The following CRAMP1 variants were observed in gnomAD, a reference collection of about 807,000 sequenced individuals.
The protein encoded by CRAMP1 is cramped chromatin regulator 1.
CRAMP1 carries 50 observed loss-of-function variants against 115.4 expected under a neutral mutation model. The observed-to-expected ratio is 0.43, with a 90% CI of 0.35 to 0.55. The LOEUF (loss-of-function observed/expected upper bound fraction) is 0.55. Ranked by LOEUF, CRAMP1 falls within the 20% of genes least tolerant of loss-of-function variation. CRAMP1 has a pLI of 0.01. For missense variants in CRAMP1, 1,679 were observed against 1,721.7 expected (o/e 0.98, Z 0.44); for synonymous variants, 866 against 745.4 (o/e 1.16, Z -2.64).
intron 2 of CRAMP1, among the ~76,000 whole-genome samples, chr16:1,623,749 G>A (rs1251486723): frequency 6.6e-6 from 1 of 152,226 alleles, no homozygotes; most frequent in African/African-American, 2.4e-5. Flanking sequence ...GTATTGAAAA[G>A]TTAAGTTTCA....
chr16:1,649,740 C>T (rs370740588), intron 6 of CRAMP1, among the ~76,000 whole-genome samples: 16 of 150,622 alleles, frequency 1.1e-4, no homozygotes, highest in Middle Eastern at 3.5e-3. Context: ...CTGCCTGCCT[C>T]GGCCTCCCAA....
chr16:1,618,594 C>T (rs1413001567), intron 2 of CRAMP1, among the ~76,000 whole-genome samples: 2 of 152,184 alleles, frequency 1.3e-5, no homozygotes, highest in Non-Finnish European at 2.9e-5. Context: ...GCACCATCTC[C>T]AGAATAGGGT....
chr16:1,623,069 G>T (rs2036479191), intron 2 of CRAMP1, among the ~76,000 whole-genome samples: 1 of 152,100 alleles, frequency 6.6e-6, no homozygotes, highest in Admixed American at 6.5e-5. Flanking sequence ...GTTAATTTTT[G>T]TATTTTTAGT....
At chr16:1,619,540 C>G (rs2036449083) in intron 2 of CRAMP1, among the ~76,000 whole-genome samples, 1 of 152,168 alleles carries the variant, frequency 6.6e-6, no homozygotes, top group African/African-American at 2.4e-5. Flanking sequence ...GAGACATTTC[C>G]AGGAGTTTGT....
intron 6 of CRAMP1, among the ~76,000 whole-genome samples, chr16:1,647,817 C>G (rs538517943): frequency 3.7e-4 from 55 of 149,224 alleles, no homozygotes; most frequent in African/African-American, 1.2e-3. Flanking sequence ...TTTGAGGGCT[C>G]ACTTAGAGGT....
Position 1,666,474 on chromosome 16 carries a change from C to G in CRAMP1, c.2910C>G (p.Leu970=). The G allele has an allele frequency of 6.2e-7, 1 of 1,613,902 alleles. No homozygotes were observed. Among genetic ancestry groups the G allele is most frequent in the Non-Finnish European group, 8.5e-7 (1 of 1,179,846 alleles). Residue 970 remains leucine (L), a synonymous_variant, in exon 16 of 21, where the codon CTC becomes CTG. Coordinates refer to ENST00000397412, the MANE Select transcript of CRAMP1 (RefSeq NM_020825.4). The surrounding 1 kb of genome is among the most constrained non-coding windows in gnomAD (Gnocchi z 5.0). ...TSAGILSGNP[L]PALDTEGLSG... is the part of the protein sequence containing the mutation. ...CCGGCATCCTTTCCGGGAACCCCCT[C>G]CCTGCCTTGGACACCGAGGGCTTGT... is the stretch of plus-strand genomic sequence containing the variant.
In CRAMP1 at chr16:1,656,279, G is replaced by A. The variant is rs754112928; in HGVS notation, c.1522G>A (p.Ala508Thr). ...TGCCCTAAGCTTGAGCAGCCCGGAC[G>A]CTCCTGACAGGCCTCCTCCCAGGCA... ...GAALSLSSPD[A>T]PDRPPPRHQD... The change falls in exon 10 of 21, where the codon GCT becomes ACT. Residue 508 changes from alanine (A) to threonine (T), a missense_variant. Physicochemically the swap from Ala to Thr is moderately conservative, Grantham distance 58 (BLOSUM62 0). Transcript: ENST00000397412. The surrounding 1 kb of genome is among the most constrained non-coding windows in gnomAD (Gnocchi z 5.6). 63 of 1,611,632 alleles carry A rather than the reference G, an allele frequency of 3.9e-5. No individual in the cohort carries two copies. Among genetic ancestry groups the A allele is most frequent in the African/African-American group, 1.2e-4 (9 of 74,918 alleles).
chr16:1,612,738 G>A (rs988648969), intron 1 of CRAMP1, among the ~76,000 whole-genome samples, 81 bp downstream of exon 1: 1 of 152,160 alleles, frequency 6.6e-6, no homozygotes, highest in Non-Finnish European at 1.5e-5. Flanking sequence ...GAGCGCGGGG[G>A]GGGCGTCGCT....
At position 1,672,918 on chromosome 16, in the gene CRAMP1, G is replaced by C. The variant is rs2036933682; in HGVS notation, c.3646-963G>C. Among the ~76,000 whole-genome samples the C allele has an allele frequency of 6.6e-6, 1 of 152,246 alleles. No individual in the cohort carries two copies. Among genetic ancestry groups the C allele is most frequent in the African/African-American group, 2.4e-5 (1 of 41,466 alleles). On this transcript the variant is annotated intron_variant, in intron 20 of 20. Coordinates refer to ENST00000397412, the MANE Select transcript of CRAMP1 (RefSeq NM_020825.4). The surrounding 1 kb of genome is among the most constrained non-coding windows in gnomAD (Gnocchi z 4.9). ...TGCTTTTCAGTCAAAGCCTCTTCCT[G>C]TCTCAGGGAACATGCCTGTTGCTTC...
intron 4 of CRAMP1, among the ~76,000 whole-genome samples, chr16:1,632,995 C>T (rs938181659): frequency 3.3e-5 from 5 of 152,212 alleles, no homozygotes; most frequent in Non-Finnish European, 7.4e-5. Flanking sequence ...CAGCAGCGCA[C>T]CTGTGCTGGG....
intron 2 of CRAMP1, among the ~76,000 whole-genome samples, chr16:1,619,697 T>G (rs2036450292): frequency 6.6e-6 from 1 of 152,172 alleles, no homozygotes; most frequent in Non-Finnish European, 1.5e-5. Context: ...AGGGAGAATC[T>G]TCAAGAGAGA....
intron 14 of CRAMP1, 41 bp downstream of exon 14, chr16:1,665,179 C>A (rs1043285137): frequency 7.7e-7 from 1 of 1,294,410 alleles, no homozygotes; most frequent in African/African-American, 1.5e-5. Context: ...TGTCCCTCCT[C>A]CTCACAGGAG....
intron 8 of CRAMP1, among the ~76,000 whole-genome samples, chr16:1,654,728 G>A (rs1001298084): frequency 6.6e-6 from 1 of 152,206 alleles, no homozygotes; most frequent in African/African-American, 2.4e-5. Context: ...TGCTCTGAAC[G>A]TTTCATAGAA....
chr16:1,636,150 CACCTGAGGTCAAGAGTTTGAG>C (rs1176676331), intron 4 of CRAMP1, among the ~76,000 whole-genome samples: 1 of 152,168 alleles, frequency 6.6e-6, no homozygotes, highest in Non-Finnish European at 1.5e-5. Context: ...GTGGGCGGAT[CACCTGAGGTCAAGAGTTTGAG>C]ACCAGCCTGA....
Position 1,653,013 on chromosome 16 carries a change from A to G in CRAMP1, c.914-20A>G, listed in dbSNP as rs759070036. ...TAAGGTTGGGCTGCACTAAACTTTCATGGTTCTTCTGCATTGCAGGCTTGA... is the reference window on the plus strand; with the variant it reads ...TAAGGTTGGGCTGCACTAAACTTTCGTGGTTCTTCTGCATTGCAGGCTTGA... On this transcript the variant is annotated intron_variant, in intron 7 of 20. Coordinates refer to ENST00000397412, the MANE Select transcript of CRAMP1 (RefSeq NM_020825.4). 3 of 1,613,240 alleles carry G rather than the reference A, an allele frequency of 1.9e-6. No homozygotes were observed. The highest frequency in any genetic ancestry group is 2.5e-6 in the Non-Finnish European group (3 of 1,179,616).
chr16:1,632,140 A>G, intron 3 of CRAMP1, 72 bp from the exon 4 acceptor site: 4 of 1,457,236 alleles, frequency 2.7e-6, no homozygotes, highest in South Asian at 1.4e-5. Context: ...GGAACCTTGG[A>G]AAGGGTCCAG....
At chr16:1,621,312 G>A (rs1377843891) in intron 2 of CRAMP1, among the ~76,000 whole-genome samples, 6 of 152,252 alleles carry the variant, frequency 3.9e-5, no homozygotes, top group Non-Finnish European at 7.3e-5. Context: ...CTGGGAGGGT[G>A]CGCTGGGGCC....
intron 11 of CRAMP1, among the ~76,000 whole-genome samples, chr16:1,662,233 G>A (rs1567460418): frequency 1.3e-5 from 2 of 152,206 alleles, no homozygotes; most frequent in Admixed American, 6.5e-5. Context: ...TTACCCCTGA[G>A]CACTGAGCGA....
intron 2 of CRAMP1, among the ~76,000 whole-genome samples, chr16:1,617,784 A>G (rs1349686036): frequency 6.6e-6 from 1 of 152,366 alleles, no homozygotes; most frequent in African/African-American, 2.4e-5. Flanking sequence ...ATTGACTTCA[A>G]TGAAAAATGC....
Sources: gnomAD v4.1 joint callset for allele counts (sites outside exome capture counted in the v4.1 genomes callset) on GRCh38, gnomAD v4.1.1 for gene constraint, Gnocchi (gnomAD v3.1) non-coding constraint, MANE v1.5 for transcripts, NCBI Gene and HGNC (gene_info 2026-07-23, HGNC 2026-07-21) for gene names.